Variants in ITGA7 observed in about 807,000 individuals in gnomAD.
ITGA7 encodes the protein integrin alpha-7.
In ITGA7, 84 loss-of-function variants were observed where a neutral mutation model predicts 131.6. That is an observed-to-expected ratio of 0.64 (90% CI 0.54 to 0.77). ITGA7 has a LOEUF of 0.77. Among genes scored for constraint, ITGA7 ranks in the 30% least tolerant of loss-of-function variants. The pLI is 0.00. For missense variants in ITGA7, 1,399 were observed against 1,482.9 expected (o/e 0.94, Z 0.93); for synonymous variants, 548 against 600.7 (o/e 0.91, Z 1.28).
At chr12:55,693,990 A>G (rs200167809) in intron 19 of ITGA7, 31 bp downstream of exon 19, 1 of 1,545,422 alleles carries the variant, frequency 6.5e-7, no homozygotes, top group South Asian at 1.1e-5. Flanking sequence ...AGGGAGGGTG[A>G]CCATGGAGGG....
rs1565631651 is a variant in ITGA7 at position 55,698,891 on chromosome 12, G to C, written c.817C>G (p.Leu273Val). 2 of 1,613,446 alleles carry C rather than the reference G, an allele frequency of 1.2e-6. No homozygotes were observed. Among genetic ancestry groups the C allele is most frequent in the Non-Finnish European group, 8.5e-7 (1 of 1,179,782 alleles). ...LGFSIDSGKGLVRAEELSFVA... is the reference protein window; with the variant it reads ...LGFSIDSGKGVVRAEELSFVA... ...AAGCTCAGCTCTTCTGCACGCACCA[G>C]ACCTTTCCCCGAGTCAATAGAGAAG... Residue 273 changes from leucine to valine, a missense_variant, in exon 6 of 25, where the codon CTG (leucine) becomes GTG (valine). Leu to Val is a conservative substitution (Grantham distance 32, BLOSUM62 1). Transcript: ENST00000257879.
intron 11 of ITGA7, 54 bp from the exon 12 acceptor site, chr12:55,697,122 A>G: frequency 6.3e-7 from 1 of 1,594,468 alleles, no homozygotes; most frequent in Non-Finnish European, 8.5e-7. Context: ...GCTCCAGCTC[A>G]CCCCATTCCA....
intron 1 of ITGA7, 97 bp from the exon 2 acceptor site, chr12:55,703,275 AAG>A: frequency 1.5e-6 from 2 of 1,348,560 alleles, no homozygotes; most frequent in Non-Finnish European, 2.0e-6. Flanking sequence ...CTCAGTACTA[AAG>A]AGAGTGTTCA....
chr12:55,688,217 T>C lies in ITGA7; in HGVS notation c.3042A>G (p.Arg1014=). ...TGCAGCTCACCACTGTGGAGGCATC[T>C]CGGAGCATCAAGTTCTTTATGGAGG... ...VKSSIKNLML[R]DASTVIPVMV... is the part of the protein sequence containing the mutation. Residue 1014 remains arginine, a synonymous_variant, in exon 23 of 25, where the codon CGA becomes CGG. Transcript: ENST00000257879. 6.2e-7 allele frequency: 1 copy of C among 1,614,118 alleles called. No individual in the cohort carries two copies. The highest frequency in any genetic ancestry group is 8.5e-7 in the Non-Finnish European group (1 of 1,179,970).
intron 10 of ITGA7, 67 bp downstream of exon 10, chr12:55,697,384 A>G (rs1872868106): frequency 6.3e-7 from 1 of 1,584,158 alleles, no homozygotes; most frequent in Non-Finnish European, 8.7e-7. Context: ...CAAACTGGGG[A>G]GATAAAGGAT....
At position 55,693,284 on chromosome 12, in the gene ITGA7, C is replaced by G; in HGVS notation, c.2569G>C (p.Gly857Arg). Residue 857 changes from glycine to arginine, a missense_variant, in exon 20 of 25, where the codon GGC (glycine) becomes CGC (arginine). Coordinates refer to ENST00000257879, the MANE Select transcript of ITGA7 (RefSeq NM_002206.3). ...SNQGQSLRTL[G>R]SAFLNIMWPH... ...CACATGATGTTGAGGAAGGCAGAGCCCAGGGTTCTGAGCGACTGGCCTTGG... is the reference window on the plus strand; with the variant it reads ...CACATGATGTTGAGGAAGGCAGAGCGCAGGGTTCTGAGCGACTGGCCTTGG... 6.2e-7 allele frequency: 1 copy of G among 1,614,090 alleles called. No homozygotes were observed. The highest frequency in any genetic ancestry group is 8.5e-7 in the Non-Finnish European group (1 of 1,180,032).
chr12:55,684,822 T>G lies in ITGA7; in HGVS notation c.*236A>C, dbSNP rs1869719626. The G allele has an allele frequency of 1.8e-6, 1 of 563,254 alleles. No individual in the cohort carries two copies. Among genetic ancestry groups the G allele is most frequent in the African/African-American group, 1.9e-5 (1 of 53,412 alleles). 34.9% of individuals were successfully genotyped at this position (563,254 alleles called of 1,614,324 possible). ...CCTTTGCATCAGGACACCCCTGCCC[T>G]TCTCACCCTACCCCATGGCCCTGTC... On this transcript the variant is annotated 3_prime_UTR_variant, in exon 25 of 25. Coordinates refer to ENST00000257879, the MANE Select transcript of ITGA7 (RefSeq NM_002206.3).
upstream of ITGA7, chr12:55,712,134 G>A (rs774088293): frequency 6.4e-7 from 1 of 1,551,486 alleles, no homozygotes; most frequent in Admixed American, 2.0e-5. Flanking sequence ...CATGGGAGTG[G>A]CTGGGAGGAA....
chr12:55,698,170 T>G, intron 7 of ITGA7, 144 bp from the exon 8 acceptor site: 1 of 888,786 alleles, frequency 1.1e-6, no homozygotes, highest in East Asian at 2.6e-5. Context: ...TACATCATCT[T>G]TAATCCTCTT....
chr12:55,697,604 C>G (rs1026577254), intron 9 of ITGA7, 58 bp from the exon 10 acceptor site: 22 of 1,610,192 alleles, frequency 1.4e-5, no homozygotes, highest in Non-Finnish European at 1.8e-5. Flanking sequence ...GGGAAACACT[C>G]TTCAGCATTA....
chr12:55,716,087 C>T (rs368964350), upstream of ITGA7: 66 of 1,582,914 alleles, frequency 4.2e-5, no homozygotes, highest in African/African-American at 7.0e-4. Flanking sequence ...GTTCCAGCTT[C>T]CGGAGCCGGA....
upstream of ITGA7, chr12:55,712,198 G>C (rs189339094): frequency 1.8e-5 from 28 of 1,551,322 alleles, no homozygotes; most frequent in Non-Finnish European, 2.1e-5. Flanking sequence ...TGACCGCTCC[G>C]GTCTTTGACG....
At chr12:55,712,751 G>T (rs1301209165), upstream of ITGA7, among the ~76,000 whole-genome samples, 1 of 152,166 alleles carries the variant, frequency 6.6e-6, no homozygotes, top group Admixed American at 6.5e-5. Flanking sequence ...GAACAATAAA[G>T]GCCCAGAAAA....
intron 24 of ITGA7, among the ~76,000 whole-genome samples, chr12:55,685,754 C>T (rs756858985): frequency 6.6e-6 from 1 of 152,246 alleles, no homozygotes; most frequent in African/African-American, 2.4e-5. Flanking sequence ...ACGCCCCTTA[C>T]AGCAATACCC....
intron 22 of ITGA7, 109 bp downstream of exon 22, chr12:55,688,735 A>AGGGGGG (rs1870792003): frequency 6.4e-6 from 5 of 786,068 alleles, no homozygotes; most frequent in Middle Eastern, 2.9e-4. Flanking sequence ...AAAAAAAAAA[A>AGGGGGG]AGGGGGGGGA....
rs372043286 is a variant in ITGA7, at chr12:55,699,914, C to T, written c.746G>A (p.Arg249Gln). ...CAAGTCTCCGGCTGGTCCTGGGAGC[C>T]GGTCAGCAGGGTCCAAAGTTTTATA... ...LVYKTLDPAD[R>Q]LPGPAGDLAL... Residue 249 changes from arginine to glutamine, a missense_variant, in exon 5 of 25, where the codon CGG becomes CAG. Transcript: ENST00000257879. 1.1e-5 allele frequency: 17 copies of T among 1,613,346 alleles called. No homozygotes were observed. The highest frequency in any genetic ancestry group is 5.0e-5 in the Admixed American group (3 of 59,912).
At position 55,700,712 on chromosome 12, in the gene ITGA7, T is replaced by C. The variant is rs1230873126; in HGVS notation, c.670+187A>G. 9.2e-6 allele frequency: 7 copies of C among 764,946 alleles called. No homozygotes were observed. In the South Asian group the frequency reaches 1.3e-4, roughly 14 times the overall value. 47.4% of individuals were successfully genotyped at this position (764,946 alleles called of 1,614,324 possible). A position where few individuals can be genotyped will look rare whatever the true frequency, so the allele number is the denominator to read the frequency against. ...CAGCATGTTGAGGAACACTTGGCCG[T>C]GCGAGGGAAAGGAGGCACCCCCCAT... is the stretch of plus-strand genomic sequence containing the variant. On this transcript the variant is annotated intron_variant, in intron 4 of 24. Coordinates refer to ENST00000257879, the MANE Select transcript of ITGA7 (RefSeq NM_002206.3).
chr12:55,716,122 A>G, upstream of ITGA7: 1 of 1,609,604 alleles, frequency 6.2e-7, no homozygotes, highest in Non-Finnish European at 8.5e-7. Flanking sequence ...CCCAGCCCCC[A>G]GCCCGACGTG....
upstream of ITGA7, among the ~76,000 whole-genome samples, chr12:55,711,410 G>A (rs934839655): frequency 2.6e-5 from 4 of 151,968 alleles, no homozygotes; most frequent in East Asian, 1.9e-4. Flanking sequence ...CCCAGAAGGC[G>A]GAGCCTGCAG....
Sources: gnomAD v4.1 joint callset for allele counts (sites outside exome capture counted in the v4.1 genomes callset) on GRCh38, gnomAD v4.1.1 for gene constraint, MANE v1.5 for transcripts, NCBI Gene and HGNC (gene_info 2026-07-23, HGNC 2026-07-21) for gene names.